Variants in TEX2 observed in about 807,000 individuals in gnomAD.
The protein encoded by TEX2 is testis expressed 2.
TEX2 carries 53 observed loss-of-function variants against 106.9 expected under a neutral mutation model. The ratio of observed to expected loss-of-function variants is 0.50; its 90% CI spans 0.40 to 0.62. The LOEUF (loss-of-function observed/expected upper bound fraction) is 0.62. TEX2 is among the 20% of genes least tolerant of loss of function. The pLI is 0.00. For synonymous variants in TEX2, 523 were observed against 534.8 expected (o/e 0.98, Z 0.30); for missense variants, 1,207 against 1,379.0 (o/e 0.88, Z 1.98).
chr17:64,197,221 T>C (rs1161752118), intron 2 of TEX2, among the ~76,000 whole-genome samples: 2 of 152,096 alleles, frequency 1.3e-5, no homozygotes, highest in African/African-American at 4.8e-5. Context: ...AAAGGTTTGA[T>C]AGCATTTGCC....
intron 1 of TEX2, among the ~76,000 whole-genome samples, chr17:64,262,581 G>A (rs2034310161): frequency 6.6e-6 from 1 of 152,150 alleles, no homozygotes; most frequent in South Asian, 2.1e-4. Context: ...GGCACCTGGC[G>A]CTAGGCCTCA....
At position 64,213,431 on chromosome 17, in the gene TEX2, C is replaced by A. The variant is rs781863797; in HGVS notation, c.787G>T (p.Ala263Ser). The change falls in exon 2 of 12, where the codon GCA (alanine) becomes TCA (serine). Residue 263 changes from alanine to serine, a missense_variant. Coordinates refer to ENST00000584379, the MANE Select transcript of TEX2 (RefSeq NM_001288732.2). This position sits in a 1 kb window ranked among gnomAD's most constrained non-coding sequence, Gnocchi z 4.4. ...GGAGAAGTCAGTGGGGAAGAAGGTG[C>A]AGTTTTGGAATCTCCACCTGTGTTT... Reference protein sequence around the residue: ...PRNTGGDSKTAPSSPLTSPSD... With the variant: ...PRNTGGDSKTSPSSPLTSPSD... 1 of 1,614,068 alleles carries A rather than the reference C, an allele frequency of 6.2e-7. No homozygotes were observed. Among genetic ancestry groups the A allele is most frequent in the South Asian group, 1.1e-5 (1 of 91,082 alleles).
At chr17:64,181,913 T>C (rs191558660) in intron 5 of TEX2, among the ~76,000 whole-genome samples, 4 of 152,142 alleles carry the variant, frequency 2.6e-5, no homozygotes, top group East Asian at 3.9e-4. Flanking sequence ...GAAAACAGTA[T>C]TGCGGTTCCT....
chr17:64,193,654 C>A lies in TEX2; in HGVS notation c.2081G>T (p.Gly694Val). 1 of 1,563,586 alleles carries A rather than the reference C, an allele frequency of 6.4e-7. No individual in the cohort carries two copies. Among genetic ancestry groups the A allele is most frequent in the Non-Finnish European group, 8.7e-7 (1 of 1,154,352 alleles). Reference sequence around the variant, plus strand: ...CCTAAACCATTCCTCTTTTTCTCGGCCAGTTCTCCCAAAGAGATAGAGTAT... The same window carrying A: ...CCTAAACCATTCCTCTTTTTCTCGGACAGTTCTCCCAAAGAGATAGAGTAT... Reference protein sequence around the residue: ...DQILYLFGRTGREKEEWFRRF... With the variant: ...DQILYLFGRTVREKEEWFRRF... The change falls in exon 4 of 12, where the codon GGC becomes GTC. Residue 694 changes from glycine to valine, a missense_variant. Transcript: ENST00000584379.
At chr17:64,192,083 G>A (rs952458448) in intron 4 of TEX2, among the ~76,000 whole-genome samples, 5 of 152,166 alleles carry the variant, frequency 3.3e-5, no homozygotes, top group African/African-American at 4.8e-5. Context: ...GGTGGCTACC[G>A]TAAGAAGCAG....
chr17:64,212,626 AG>A lies in TEX2; in HGVS notation c.1591del (p.Leu531CysfsTer17). On this transcript the variant is annotated frameshift_variant, in exon 2 of 12. Coordinates refer to ENST00000584379, the MANE Select transcript of TEX2 (RefSeq NM_001288732.2). LOFTEE classifies it high-confidence loss of function. ...AHKYHKLHKN[L>X]RHWNTRSLDI... ...CAGAGATCTTGTGTTCCAGTGTCGC[AG>A]ATTTTTGTGTAACTTGTGATATTTA... 1 of 1,614,202 alleles carries A rather than the reference AG, an allele frequency of 6.2e-7. No individual in the cohort carries two copies. The highest frequency in any genetic ancestry group is 8.5e-7 in the Non-Finnish European group (1 of 1,180,036).
intron 1 of TEX2, among the ~76,000 whole-genome samples, chr17:64,256,438 G>A (rs2034185875): frequency 6.6e-6 from 1 of 152,132 alleles, no homozygotes; most frequent in African/African-American, 2.4e-5. Context: ...TCTGCAGAAT[G>A]GCACCTTCTG....
chr17:64,204,201 ATACTT>A (rs1316669496), intron 2 of TEX2, among the ~76,000 whole-genome samples: 2 of 152,256 alleles, frequency 1.3e-5, no homozygotes, highest in East Asian at 1.9e-4. Context: ...GTACAAATAT[ATACTT>A]TACTTATAAT....
Position 64,213,397 on chromosome 17 carries a change from G to T in TEX2, c.821C>A (p.Thr274Asn). The T allele has an allele frequency of 6.2e-7, 1 of 1,614,056 alleles. No individual in the cohort carries two copies. Among genetic ancestry groups the T allele is most frequent in the Non-Finnish European group, 8.5e-7 (1 of 1,180,030 alleles). The change falls in exon 2 of 12, where the codon ACT becomes AAT. Residue 274 changes from threonine to asparagine, a missense_variant. By Grantham distance (65) the Thr-to-Asn change is moderately conservative (BLOSUM62 0). Around this residue, in one of 3 missense-constraint regions of TEX2, gnomAD observed 1,067 missense variants for 1,193.6 expected, o/e 0.89. Coordinates refer to ENST00000584379, the MANE Select transcript of TEX2 (RefSeq NM_001288732.2). This position sits in a 1 kb window ranked among gnomAD's most constrained non-coding sequence, Gnocchi z 4.4. The stretch of plus-strand genomic sequence containing the variant: ...TTCGGGCACTTTAAAAAAGGAACGA[G>T]TATCAGAGGGAGAAGTCAGTGGGGA... ...PSSPLTSPSD[T>N]RSFFKVPEME...
chr17:64,173,166 C>G (rs2031484462), intron 6 of TEX2, among the ~76,000 whole-genome samples: 2 of 152,132 alleles, frequency 1.3e-5, no homozygotes, highest in South Asian at 4.1e-4. Context: ...TGAATTTCTA[C>G]CAGTATCAAA....
At position 64,149,011 on chromosome 17, in the gene TEX2, GC is replaced by G; in HGVS notation, c.3341del (p.Cys1114SerfsTer3). 1 of 1,614,224 alleles carries G rather than the reference GC, an allele frequency of 6.2e-7. No individual in the cohort carries two copies. Among genetic ancestry groups the G allele is most frequent in the Non-Finnish European group, 8.5e-7 (1 of 1,180,026 alleles). On this transcript the variant is annotated frameshift_variant, in exon 12 of 12. Transcript: ENST00000584379. LOFTEE classifies it high-confidence loss of function. The stretch of plus-strand genomic sequence containing the variant: ...CCTCCACAGGTGGGTCTTTCAGGAG[GC>G]AGGAAGTAGAGCGAGGGTCCATGGC... ...HSAMDPRSTSCLLKDPPVEAA... is the reference protein window; with the variant it reads ...HSAMDPRSTSXLLKDPPVEAA...
At chr17:64,255,974 C>G (rs2034176883) in intron 1 of TEX2, 2 of 152,444 alleles carry the variant, frequency 1.3e-5, no homozygotes, top group South Asian at 4.1e-4. Context: ...TTCCGGTCCA[C>G]CTTGCTCCAC....
intron 2 of TEX2, among the ~76,000 whole-genome samples, chr17:64,210,750 AG>A (rs2032977219): frequency 6.6e-6 from 1 of 150,880 alleles, no homozygotes; most frequent in South Asian, 2.1e-4. Context: ...AAGCCAAACA[AG>A]CTTTGAATTT....
At position 64,227,888 on chromosome 17, in the gene TEX2, T is replaced by G. The variant is rs371193411; in HGVS notation, c.-25-13646A>C. Among the ~76,000 whole-genome samples, 11 of 152,224 alleles carry G rather than the reference T, an allele frequency of 7.2e-5. No individual in the cohort carries two copies. The South Asian group carries it at 2.3e-3, about 32-fold the overall frequency. On this transcript the variant is annotated intron_variant, in intron 1 of 11. Coordinates refer to ENST00000584379, the MANE Select transcript of TEX2 (RefSeq NM_001288732.2). Reference sequence around the variant, plus strand: ...CTGGCACAGAGCAGCCCTCCCTAATTGTTTACTGTTCTTATAAGCATTTTC... The same window carrying G: ...CTGGCACAGAGCAGCCCTCCCTAATGGTTTACTGTTCTTATAAGCATTTTC...
intron 1 of TEX2, among the ~76,000 whole-genome samples, chr17:64,260,169 A>G (rs1399093623): frequency 6.6e-6 from 1 of 152,142 alleles, no homozygotes; most frequent in Middle Eastern, 3.2e-3. Flanking sequence ...ATCGGCATCT[A>G]ACTCTGGCTC....
intron 7 of TEX2, among the ~76,000 whole-genome samples, chr17:64,165,387 C>T (rs1213703147): frequency 6.6e-6 from 1 of 152,200 alleles, no homozygotes; most frequent in African/African-American, 2.4e-5. Context: ...AATCAGGGTC[C>T]CCTGTCCCCC....
Position 64,212,999 on chromosome 17 carries a change from A to T in TEX2, c.1219T>A (p.Leu407Met), listed in dbSNP as rs1555631850. The T allele has an allele frequency of 1.2e-6, 2 of 1,614,122 alleles. No individual in the cohort carries two copies. The highest frequency in any genetic ancestry group is 4.5e-5 in the East Asian group (2 of 44,898). ...TSSLVLEKCS[L>M]SALVSKEDEE... Reference sequence around the variant, plus strand: ...TCTTCTTTGCTCACTAAGGCAGACAAAGAACATTTCTCCAGAACTAGAGAA... The same window carrying T: ...TCTTCTTTGCTCACTAAGGCAGACATAGAACATTTCTCCAGAACTAGAGAA... The change falls in exon 2 of 12, where the codon TTG becomes ATG. Residue 407 changes from leucine to methionine, a missense_variant. Leu to Met is a conservative substitution (Grantham distance 15, BLOSUM62 2). Coordinates refer to ENST00000584379, the MANE Select transcript of TEX2 (RefSeq NM_001288732.2).
Position 64,193,675 on chromosome 17 carries a change from A to G in TEX2, c.2060T>C (p.Leu687Pro). 6.3e-7 allele frequency: 1 copy of G among 1,596,384 alleles called. No homozygotes were observed. The highest frequency in any genetic ancestry group is 8.5e-7 in the Non-Finnish European group (1 of 1,171,894). The change falls in exon 4 of 12, where the codon CTC becomes CCC. Residue 687 changes from leucine to proline, a missense_variant. Physicochemically the swap from Leu to Pro is moderately conservative, Grantham distance 98. Coordinates refer to ENST00000584379, the MANE Select transcript of TEX2 (RefSeq NM_001288732.2). ...TCGGCCAGTTCTCCCAAAGAGATAG[A>G]GTATCTGATCTCGCTGGCTAGATCT... Reference protein sequence around the residue: ...GTRSSQRDQILYLFGRTGREK... With the variant: ...GTRSSQRDQIPYLFGRTGREK...
rs751556608 is a variant in TEX2, at chr17:64,153,177, G to A, written c.2931-23C>T. The stretch of plus-strand genomic sequence containing the variant: ...TACCTTCAAATGTGGAACACAAAGG[G>A]CGGTTAGCACAAACTTTGCTCTTTT... On this transcript the variant is annotated intron_variant, in intron 9 of 11. Coordinates refer to ENST00000584379, the MANE Select transcript of TEX2 (RefSeq NM_001288732.2). The surrounding 1 kb of genome is among the most constrained non-coding windows in gnomAD (Gnocchi z 4.1). 9.8e-5 allele frequency: 154 copies of A among 1,576,172 alleles called. 1 individual carries two copies. The South Asian group carries it at 1.7e-3, about 17-fold the overall frequency.
Sources: allele counts gnomAD v4.1 joint callset (sites outside exome capture counted in the v4.1 genomes callset), GRCh38; gene constraint gnomAD v4.1.1; regional missense constraint gnomAD v4.1.1; non-coding constraint Gnocchi (gnomAD v3.1); transcripts MANE v1.5; gene names NCBI Gene and HGNC (gene_info 2026-07-23, HGNC 2026-07-21).